PRKD1: variants seen among roughly 807,000 people sequenced by gnomAD.
PRKD1 encodes protein kinase D1.
In PRKD1, 63 loss-of-function variants were observed where a neutral mutation model predicts 95.9. That is an observed-to-expected ratio of 0.66 (90% CI 0.54 to 0.81). The LOEUF (loss-of-function observed/expected upper bound fraction) is 0.81, where lower values mean the gene tolerates loss of function less well. PRKD1 is among the 30% of genes least tolerant of loss of function. The pLI, the probability that PRKD1 is intolerant of heterozygous loss-of-function variation, is 0.00. For missense variants in PRKD1, 1,048 were observed against 1,165.3 expected, an observed-to-expected ratio of 0.90 and a Z score of 1.47; for synonymous variants, 425 against 423.1, an observed-to-expected ratio of 1.00 and a Z score of -0.05.
intron 1 of PRKD1, among the ~76,000 whole-genome samples, chr14:29,870,540 G>A (rs950690347): frequency 6.6e-6 from 1 of 152,162 alleles, no homozygotes; most frequent in Non-Finnish European, 1.5e-5. Context: ...TTTGTCATTC[G>A]TAAGCTGTGG....
At position 29,663,829 on chromosome 14, in the gene PRKD1, G is replaced by A. The variant is rs1469534185; in HGVS notation, c.566C>T (p.Ala189Val). 15 of 1,613,774 alleles carry A rather than the reference G, an allele frequency of 9.3e-6. No homozygotes were observed. The highest frequency in any genetic ancestry group is 1.3e-5 in the African/African-American group (1 of 74,854). Residue 189 changes from alanine (A) to valine (V), a missense_variant, in exon 4 of 18, where the codon GCA becomes GTA. Ala to Val is a moderately conservative substitution (Grantham distance 64, BLOSUM62 0). Transcript: ENST00000331968. ...GCGLNYHKRCAFKIPNNCSGV... is the reference protein window; with the variant it reads ...GCGLNYHKRCVFKIPNNCSGV... ...GCTGCAATTGTTGGGTATTTTAAAT[G>A]CACATCTCTTATGGTAATTCAGACC...
chr14:29,847,567 T>C (rs1892130323), intron 1 of PRKD1, among the ~76,000 whole-genome samples: 1 of 152,262 alleles, frequency 6.6e-6, no homozygotes, highest in African/African-American at 2.4e-5. Flanking sequence ...TCTTTAAACT[T>C]GTTTACAGCT....
At position 29,638,688 on chromosome 14, in the gene PRKD1, C is replaced by T. The variant is rs759620852; in HGVS notation, c.907+6G>A. ...AAAGTTCGACAGGTGACAAAATCAT[C>T]CTTACCTTTGCACTGCAAGCCCTGC... On this transcript the variant is annotated splice_donor_region_variant and intron_variant, in intron 5 of 17. Transcript: ENST00000331968. 7 of 1,613,940 alleles carry T rather than the reference C, an allele frequency of 4.3e-6. No individual in the cohort carries two copies. Among genetic ancestry groups the T allele is most frequent in the Non-Finnish European group, 5.9e-6 (7 of 1,179,910 alleles).
chr14:29,617,781 A>G (rs1878963110), intron 13 of PRKD1, among the ~76,000 whole-genome samples: 7 of 152,104 alleles, frequency 4.6e-5, no homozygotes, highest in Admixed American at 4.6e-4. Flanking sequence ...TTAACCTTCT[A>G]ACTGGCCTGG....
At chr14:29,756,541 G>A (rs567087657) in intron 1 of PRKD1, among the ~76,000 whole-genome samples, 16 of 152,288 alleles carry the variant, frequency 1.1e-4, no homozygotes, top group Admixed American at 3.3e-4. Context: ...TCTTTGGAAC[G>A]TTAAAGTAAA....
At chr14:29,713,087 T>C (rs868404046) in intron 2 of PRKD1, among the ~76,000 whole-genome samples, 1 of 152,186 alleles carries the variant, frequency 6.6e-6, no homozygotes, top group South Asian at 2.1e-4. Context: ...TCCTTCCTTT[T>C]CTCCTCTAGG....
At position 29,632,066 on chromosome 14, in the gene PRKD1, G is replaced by T. The variant is rs906206479; in HGVS notation, c.1392+803C>A. Among the ~76,000 whole-genome samples the T allele has an allele frequency of 2.0e-5, 3 of 150,702 alleles. No individual in the cohort carries two copies. In the East Asian group the frequency reaches 5.9e-4, roughly 30 times the overall value. On this transcript the variant is annotated intron_variant, in intron 9 of 17. Coordinates refer to ENST00000331968, the MANE Select transcript of PRKD1 (RefSeq NM_002742.3). ...TCCACCTGCCTCGGCCTCCCAAAGTGCTGGGATTACAGGCATGAGCCACTG... is the reference window on the plus strand; with the variant it reads ...TCCACCTGCCTCGGCCTCCCAAAGTTCTGGGATTACAGGCATGAGCCACTG...
At position 29,588,848 on chromosome 14, in the gene PRKD1, G is replaced by A. The variant is rs141944200; in HGVS notation, c.2434+8643C>T. ...TGTGTGTGTGTTTGTGTCACCAAATGTCAAGGCTTCCCATCTGGTCTTAAT... is the reference window on the plus strand; with the variant it reads ...TGTGTGTGTGTTTGTGTCACCAAATATCAAGGCTTCCCATCTGGTCTTAAT... On this transcript the variant is annotated intron_variant, in intron 16 of 17. Transcript: ENST00000331968. 1.8e-3 allele frequency among the ~76,000 whole-genome samples: 265 copies of A among 150,694 alleles called. 1 individual carries two copies. The highest frequency in any genetic ancestry group is 5.8e-3 in the African/African-American group (237 of 41,086).
chr14:29,600,205 A>G (rs1250832432), intron 13 of PRKD1, among the ~76,000 whole-genome samples: 1 of 152,198 alleles, frequency 6.6e-6, no homozygotes, highest in Non-Finnish European at 1.5e-5. Flanking sequence ...CTAATGTAGT[A>G]AAGATGAAAT....
chr14:29,834,747 T>C (rs1259450039), intron 1 of PRKD1, among the ~76,000 whole-genome samples: 6 of 152,172 alleles, frequency 3.9e-5, no homozygotes, highest in Non-Finnish European at 8.8e-5. Flanking sequence ...GTAAGTATTT[T>C]AAAACAATTA....
rs548743251 is a variant in PRKD1 at position 29,584,102 on chromosome 14, T to C, written c.2435-5742A>G. Among the ~76,000 whole-genome samples, 8 of 152,308 alleles carry C rather than the reference T, an allele frequency of 5.3e-5. No individual in the cohort carries two copies. In the East Asian group the frequency reaches 1.5e-3, roughly 29 times the overall value. ...TGAACAAAGACAAAATTAAATGGTA[T>C]ATGCGGGTGCAGAGGGCTTTATGTT... On this transcript the variant is annotated intron_variant, in intron 16 of 17. Transcript: ENST00000331968.
intron 1 of PRKD1, among the ~76,000 whole-genome samples, chr14:29,729,512 G>A (rs1886329753): frequency 6.6e-6 from 1 of 151,990 alleles, no homozygotes; most frequent in Non-Finnish European, 1.5e-5. Context: ...TTGTAGTGAT[G>A]TCTCTTCATT....
chr14:29,857,646 TAGA>T (rs1892556981), intron 1 of PRKD1, among the ~76,000 whole-genome samples: 1 of 152,172 alleles, frequency 6.6e-6, no homozygotes, highest in Non-Finnish European at 1.5e-5. Context: ...TTCATACACT[TAGA>T]AGAAGTTGTT....
At chr14:29,743,888 G>A (rs530138753) in intron 1 of PRKD1, among the ~76,000 whole-genome samples, 12 of 152,170 alleles carry the variant, frequency 7.9e-5, no homozygotes, top group Admixed American at 5.2e-4. Flanking sequence ...CTGGATTCCA[G>A]AATAGTGTAT....
At chr14:29,726,568 C>T (rs901337568) in intron 1 of PRKD1, among the ~76,000 whole-genome samples, 6 of 151,964 alleles carry the variant, frequency 3.9e-5, no homozygotes, top group South Asian at 2.1e-4. Context: ...AAGCTACTGT[C>T]GGGGAGAAAT....
At chr14:29,697,268 T>G (rs942218600) in intron 2 of PRKD1, among the ~76,000 whole-genome samples, 1 of 152,168 alleles carries the variant, frequency 6.6e-6, no homozygotes, top group African/African-American at 2.4e-5. Context: ...CATGGTGTCA[T>G]GAACTAATAT....
chr14:29,753,824 T>G (rs1213701196), intron 1 of PRKD1, among the ~76,000 whole-genome samples: 1 of 152,140 alleles, frequency 6.6e-6, no homozygotes, highest in Non-Finnish European at 1.5e-5. Context: ...TATATTCTAC[T>G]TACCCACTTT....
At chr14:29,759,636 G>A (rs1339358659) in intron 1 of PRKD1, among the ~76,000 whole-genome samples, 1 of 152,132 alleles carries the variant, frequency 6.6e-6, no homozygotes, top group African/African-American at 2.4e-5. Context: ...AGCACAATGG[G>A]GAAGCTTCTA....
chr14:29,715,256 C>T (rs1267749241), intron 2 of PRKD1, among the ~76,000 whole-genome samples: 4 of 151,438 alleles, frequency 2.6e-5, no homozygotes, highest in African/African-American at 9.7e-5. Flanking sequence ...CAGTGTGATC[C>T]AAGTTTATAC....
Sources: gnomAD v4.1 joint callset for allele counts (sites outside exome capture counted in the v4.1 genomes callset) on GRCh38, gnomAD v4.1.1 for gene constraint, MANE v1.5 for transcripts, NCBI Gene and HGNC (gene_info 2026-07-23, HGNC 2026-07-21) for gene names.